SLC1A3: variants seen among roughly 807,000 people sequenced by gnomAD.
The protein encoded by SLC1A3 is solute carrier family 1 member 3, also known as excitatory amino acid transporter 1.
In SLC1A3, 21 loss-of-function variants were observed where a neutral mutation model predicts 48.1. The observed-to-expected ratio is 0.44, with a 90% CI of 0.31 to 0.63. SLC1A3 has a LOEUF of 0.63. SLC1A3 is among the 20% of genes least tolerant of loss of function. The pLI is 0.08. For missense variants in SLC1A3, 546 were observed against 689.0 expected, an observed-to-expected ratio of 0.79 and a Z score of 2.32; for synonymous variants, 239 against 251.4, an observed-to-expected ratio of 0.95 and a Z score of 0.47.
At chr5:36,653,590 G>GTA (rs879261304) in intron 3 of SLC1A3, among the ~76,000 whole-genome samples, 1 of 152,192 alleles carries the variant, frequency 6.6e-6, no homozygotes. Flanking sequence ...GAACTCCAAT[G>GTA]TATAGTTTAG....
intron 1 of SLC1A3, among the ~76,000 whole-genome samples, chr5:36,599,648 T>A (rs1738784280): frequency 6.6e-6 from 1 of 150,854 alleles, no homozygotes; most frequent in Non-Finnish European, 1.5e-5. Flanking sequence ...TAGCTGGGAC[T>A]ACAGGTGTGC....
At chr5:36,677,376 G>C (rs566521333) in intron 6 of SLC1A3, among the ~76,000 whole-genome samples, 192 bp downstream of exon 6, 1 of 152,148 alleles carries the variant, frequency 6.6e-6, no homozygotes, top group Non-Finnish European at 1.5e-5. Flanking sequence ...CTTCTAATAA[G>C]TTTGCTTCCT....
At chr5:36,622,674 T>C (rs1489888726) in intron 2 of SLC1A3, among the ~76,000 whole-genome samples, 1 of 152,186 alleles carries the variant, frequency 6.6e-6, no homozygotes, top group African/African-American at 2.4e-5. Flanking sequence ...GTGCACGTTG[T>C]GTCTTAGTTT....
intron 2 of SLC1A3, among the ~76,000 whole-genome samples, chr5:36,615,090 GCACGTAAGCTATGACCAGGC>G (rs1739376076): frequency 6.6e-6 from 1 of 152,116 alleles, no homozygotes. Flanking sequence ...ACTCTCTGTA[GCACGTAAGCTATGACCAGGC>G]CACCCTCCTT....
rs539277660 is a variant in SLC1A3, at chr5:36,669,968, A to C, written c.320-1061A>C. On this transcript the variant is annotated intron_variant, in intron 3 of 9. Coordinates refer to ENST00000265113, the MANE Select transcript of SLC1A3 (RefSeq NM_004172.5). ...ACCATTTTAAATTGTTAAAAAAAAA[A>C]AAAACTCAATTAACTGTAATTGGAT... The C allele has an allele frequency of 2.2e-3, 330 of 152,142 alleles. 1 individual carries two copies. The highest frequency in any genetic ancestry group is 7.6e-3 in the African/African-American group (316 of 41,508). The allele number at this position is 152,142 out of a possible 1,614,324, so 9.4% of individuals were successfully genotyped here.
intron 2 of SLC1A3, chr5:36,608,815 A>T: frequency 1.5e-6 from 2 of 1,339,854 alleles, no homozygotes; most frequent in Non-Finnish European, 1.9e-6. Context: ...ATCATTAGGC[A>T]TTATGCAAAT....
intron 4 of SLC1A3, among the ~76,000 whole-genome samples, chr5:36,672,570 G>A (rs1161238880): frequency 6.6e-6 from 1 of 152,168 alleles, no homozygotes; most frequent in Admixed American, 6.6e-5. Context: ...TCTTCTGAAG[G>A]AAATTCCTCT....
At chr5:36,620,220 TTAGA>T (rs1205196053) in intron 2 of SLC1A3, among the ~76,000 whole-genome samples, 1 of 152,114 alleles carries the variant, frequency 6.6e-6, no homozygotes, top group Non-Finnish European at 1.5e-5. Context: ...ATTAAATCAT[TTAGA>T]TAAAGCATCG....
chr5:36,636,487 C>CT lies in SLC1A3; in HGVS notation c.319+6903dup, dbSNP rs540213530. On this transcript the variant is annotated intron_variant, in intron 3 of 9. Transcript: ENST00000265113. ...CTTTTCTTTCTTTCTTTCTTTCTTT[C>CT]TTTCTTTCTTTCTTTCTTTTTCTTT... The CT allele has an allele frequency of 6.6e-4, 96 of 144,566 alleles. 1 individual carries two copies. Among genetic ancestry groups the CT allele is most frequent in the African/African-American group, 2.4e-3 (91 of 37,872 alleles). 9.0% of individuals were successfully genotyped at this position (144,566 alleles called of 1,614,324 possible). A position where few individuals can be genotyped will look rare whatever the true frequency, so the allele number is the denominator to read the frequency against.
chr5:36,658,565 G>A (rs1741376284), intron 3 of SLC1A3, among the ~76,000 whole-genome samples: 1 of 152,156 alleles, frequency 6.6e-6, no homozygotes, highest in Admixed American at 6.5e-5. Context: ...TTATCTCAAA[G>A]GGAAAGGGTT....
At chr5:36,661,629 T>C (rs977788191) in intron 3 of SLC1A3, among the ~76,000 whole-genome samples, 1 of 152,218 alleles carries the variant, frequency 6.6e-6, no homozygotes, top group Non-Finnish European at 1.5e-5. Flanking sequence ...GCCATAAGAA[T>C]CTGCTGCTTC....
At chr5:36,604,179 T>C (rs573719749), upstream of SLC1A3, among the ~76,000 whole-genome samples, 3 of 152,194 alleles carry the variant, frequency 2.0e-5, no homozygotes, top group Non-Finnish European at 4.4e-5. Flanking sequence ...AGGAACAGCA[T>C]TTGCTGCTGG....
intron 3 of SLC1A3, among the ~76,000 whole-genome samples, chr5:36,655,592 G>A (rs1741253849): frequency 6.6e-6 from 1 of 152,154 alleles, no homozygotes; most frequent in Admixed American, 6.5e-5. Flanking sequence ...TAAAGATTGG[G>A]AAAACTCCAC....
Position 36,660,413 on chromosome 5 carries a change from G to A in SLC1A3, c.320-10616G>A, listed in dbSNP as rs77067673. Among the ~76,000 whole-genome samples the A allele has an allele frequency of 6.0e-3, 907 of 152,198 alleles. 11 individuals carry two copies. The highest frequency in any genetic ancestry group is 0.021 in the African/African-American group (872 of 41,528). ...ATGAAGCTGAGAAGAAACTATGCAC[G>A]TAAGTATTACAAAACTAAAGTAGAA... is the stretch of plus-strand genomic sequence containing the variant. On this transcript the variant is annotated intron_variant, in intron 3 of 9. Coordinates refer to ENST00000265113, the MANE Select transcript of SLC1A3 (RefSeq NM_004172.5).
At chr5:36,638,582 G>A (rs968452467) in intron 3 of SLC1A3, among the ~76,000 whole-genome samples, 2 of 152,146 alleles carry the variant, frequency 1.3e-5, no homozygotes, top group African/African-American at 4.8e-5. Context: ...AAACTGGAGG[G>A]TTCCACTAGG....
At chr5:36,640,012 C>G (rs1036194066) in intron 3 of SLC1A3, among the ~76,000 whole-genome samples, 1 of 151,718 alleles carries the variant, frequency 6.6e-6, no homozygotes, top group African/African-American at 2.4e-5. Context: ...CAGAAATAGA[C>G]AGAGAGAGAG....
At chr5:36,672,283 G>T (rs1405047039) in intron 4 of SLC1A3, among the ~76,000 whole-genome samples, 1 of 152,172 alleles carries the variant, frequency 6.6e-6, no homozygotes, top group Non-Finnish European at 1.5e-5. Flanking sequence ...ATAGGAGTAG[G>T]AAGCCAGAGG....
At chr5:36,666,459 T>G (rs1741753216) in intron 3 of SLC1A3, 1 of 152,250 alleles carries the variant, frequency 6.6e-6, no homozygotes. Context: ...ACTCTTTTCT[T>G]TCCTTCTGGA....
intron 1 of SLC1A3, among the ~76,000 whole-genome samples, chr5:36,598,265 T>C (rs1738766814): frequency 6.6e-6 from 1 of 152,192 alleles, no homozygotes; most frequent in Admixed American, 6.5e-5. Context: ...ATAATAAAAC[T>C]TAGTAACAGT....
Sources: allele counts gnomAD v4.1 joint callset (sites outside exome capture counted in the v4.1 genomes callset), GRCh38; gene constraint gnomAD v4.1.1; transcripts MANE v1.5; gene names NCBI Gene and HGNC (gene_info 2026-07-23, HGNC 2026-07-21).